Variants in SORCS3 observed in about 807,000 individuals in gnomAD.
The protein encoded by SORCS3 is VPS10 domain-containing receptor SorCS3.
Under a neutral mutation model 146.3 loss-of-function variants are expected in SORCS3, and 57 were observed. The ratio of observed to expected loss-of-function variants is 0.39; its 90% CI spans 0.31 to 0.49. SORCS3 has a LOEUF of 0.49. Among genes scored for constraint, SORCS3 ranks in the 20% least tolerant of loss-of-function variants. SORCS3 has a pLI of 0.92. For synonymous variants in SORCS3, 653 were observed against 618.5 expected, an observed-to-expected ratio of 1.06 and a Z score of -0.83; for missense variants, 1,341 against 1,575.5, an observed-to-expected ratio of 0.85 and a Z score of 2.52.
At chr10:104,753,020 C>A (rs933307644) in intron 1 of SORCS3, among the ~76,000 whole-genome samples, 2 of 152,190 alleles carry the variant, frequency 1.3e-5, no homozygotes, top group East Asian at 3.8e-4. Context: ...GAAACTGGGA[C>A]TTTGGCTTCA....
At chr10:105,240,025 C>T (rs1452498698) in intron 20 of SORCS3, among the ~76,000 whole-genome samples, 1 of 152,208 alleles carries the variant, frequency 6.6e-6, no homozygotes, top group Non-Finnish European at 1.5e-5. Context: ...CCATTCAGCA[C>T]AGTTTGTTTG....
chr10:105,101,736 G>C (rs1016333130), intron 6 of SORCS3, among the ~76,000 whole-genome samples: 2 of 152,156 alleles, frequency 1.3e-5, no homozygotes, highest in Non-Finnish European at 2.9e-5. Flanking sequence ...AATAGCCAGA[G>C]GGAAATGAAC....
chr10:104,652,072 TGTG>T, intron 1 of SORCS3, among the ~76,000 whole-genome samples: 1 of 151,902 alleles, frequency 6.6e-6, no homozygotes, highest in African/African-American at 2.4e-5. Flanking sequence ...TGTGTGTGTG[TGTG>T]TGTGTGTGTG....
At chr10:105,080,492 T>A (rs1385155731) in intron 5 of SORCS3, among the ~76,000 whole-genome samples, 2 of 152,166 alleles carry the variant, frequency 1.3e-5, no homozygotes, top group African/African-American at 2.4e-5. Flanking sequence ...CTGTAGGTTG[T>A]CTGTTTATTC....
chr10:105,007,724 G>GGTA (rs1428767718), intron 4 of SORCS3, among the ~76,000 whole-genome samples: 1 of 151,994 alleles, frequency 6.6e-6, no homozygotes, highest in Non-Finnish European at 1.5e-5. Flanking sequence ...TCTTGAAATA[G>GGTA]GTAGTCATTG....
At chr10:104,658,921 A>G (rs1356396201) in intron 1 of SORCS3, among the ~76,000 whole-genome samples, 1 of 151,658 alleles carries the variant, frequency 6.6e-6, no homozygotes, top group African/African-American at 2.4e-5. Flanking sequence ...TAGCCTTCAC[A>G]TGAATATCTG....
At chr10:105,101,599 G>A (rs1055673405) in intron 6 of SORCS3, among the ~76,000 whole-genome samples, 2 of 152,154 alleles carry the variant, frequency 1.3e-5, no homozygotes, top group African/African-American at 2.4e-5. Flanking sequence ...CCAAGAACTA[G>A]GACAAGCTTG....
At chr10:104,823,315 T>C (rs1355885712) in intron 1 of SORCS3, among the ~76,000 whole-genome samples, 1 of 152,206 alleles carries the variant, frequency 6.6e-6, no homozygotes, top group Non-Finnish European at 1.5e-5. Flanking sequence ...TCCTCCCCTA[T>C]GTGTTGGATT....
At chr10:104,732,652 G>A (rs978152459) in intron 1 of SORCS3, among the ~76,000 whole-genome samples, 9 of 152,168 alleles carry the variant, frequency 5.9e-5, no homozygotes, top group African/African-American at 1.9e-4. Context: ...TGCTGCTGCT[G>A]TTTAAAAGCT....
At chr10:104,676,773 ATC>A in intron 1 of SORCS3, among the ~76,000 whole-genome samples, 1 of 152,104 alleles carries the variant, frequency 6.6e-6, no homozygotes, top group South Asian at 2.1e-4. Context: ...TGTCTCTTCC[ATC>A]TCTTTTTTTT....
chr10:104,868,506 C>T lies in SORCS3; in HGVS notation c.695+25647C>T, dbSNP rs183306869. On this transcript the variant is annotated intron_variant, in intron 2 of 26. Transcript: ENST00000369701. Reference sequence around the variant, plus strand: ...TACATCTTGCATTTCAGATAGAGACCGCTTTAATCAAGCTAGTCCATACTC... The same window carrying T: ...TACATCTTGCATTTCAGATAGAGACTGCTTTAATCAAGCTAGTCCATACTC... Among the ~76,000 whole-genome samples the T allele has an allele frequency of 6.7e-4, 102 of 152,300 alleles. No individual in the cohort carries two copies. The East Asian group carries it at 0.013, about 19-fold the overall frequency.
chr10:104,768,323 G>A (rs1289724537), intron 1 of SORCS3, among the ~76,000 whole-genome samples: 1 of 152,190 alleles, frequency 6.6e-6, no homozygotes, highest in African/African-American at 2.4e-5. Context: ...AGGGAGATAA[G>A]TAGGCACATT....
intron 1 of SORCS3, among the ~76,000 whole-genome samples, chr10:104,834,722 A>G (rs1006766054): frequency 2.7e-5 from 4 of 145,794 alleles, no homozygotes; most frequent in Non-Finnish European, 4.5e-5. Context: ...CTCTGCTAGG[A>G]TATTATCTTA....
rs890386865 is a variant in SORCS3 at position 105,167,368 on chromosome 10, C to T, written c.1901+19C>T. 6.3e-7 allele frequency: 1 copy of T among 1,591,300 alleles called. No individual in the cohort carries two copies. Among genetic ancestry groups the T allele is most frequent in the Non-Finnish European group, 8.6e-7 (1 of 1,161,012 alleles). On this transcript the variant is annotated intron_variant, in intron 13 of 26. Transcript: ENST00000369701. ...ATTTGTGGTAAGGAGAGCTCCCTAC[C>T]CTATTAATGAGCTAATGAGCAGCTT...
At chr10:104,972,864 G>A (rs941416039) in intron 3 of SORCS3, among the ~76,000 whole-genome samples, 16 of 152,138 alleles carry the variant, frequency 1.1e-4, no homozygotes, top group Non-Finnish European at 1.8e-4. Context: ...TTTGAGATAT[G>A]TCCCATCAAT....
intron 7 of SORCS3, among the ~76,000 whole-genome samples, chr10:105,128,739 A>G (rs1270682287): frequency 2.6e-5 from 4 of 152,284 alleles, no homozygotes; most frequent in East Asian, 1.9e-4. Context: ...ATGGGAATTT[A>G]TGGATCAACA....
chr10:104,964,919 T>C (rs1160588452), intron 3 of SORCS3, among the ~76,000 whole-genome samples: 1 of 152,208 alleles, frequency 6.6e-6, no homozygotes, highest in Non-Finnish European at 1.5e-5. Context: ...ATTTTGTCAT[T>C]ATGATTTTGA....
At chr10:105,250,030 A>T (rs1224030646) in intron 22 of SORCS3, among the ~76,000 whole-genome samples, 1 of 152,174 alleles carries the variant, frequency 6.6e-6, no homozygotes, top group East Asian at 1.9e-4. Context: ...ATAATTCTGG[A>T]GGCGGAGAAG....
Position 104,664,111 on chromosome 10 carries a change from G to A in SORCS3, c.627+22157G>A, listed in dbSNP as rs984984564. 5.9e-5 allele frequency among the ~76,000 whole-genome samples: 9 copies of A among 152,140 alleles called. No homozygotes were observed. In the East Asian group the frequency reaches 1.5e-3, roughly 26 times the overall value. On this transcript the variant is annotated intron_variant, in intron 1 of 26. Transcript: ENST00000369701. ...GGAGGCGAGGGTGAGGGCTGGCTAA[G>A]GGTAGGCTCAGATGCATTGGGGAAG...
Sources: allele counts gnomAD v4.1 joint callset (sites outside exome capture counted in the v4.1 genomes callset), GRCh38; gene constraint gnomAD v4.1.1; transcripts MANE v1.5; gene names NCBI Gene and HGNC (gene_info 2026-07-23, HGNC 2026-07-21).